ARGFX: variants seen among roughly 807,000 people sequenced by gnomAD.
ARGFX encodes the protein arginine-fifty homeobox.
Under a neutral mutation model 8.0 loss-of-function variants are expected in ARGFX, and 10 were observed. The ratio of observed to expected loss-of-function variants is 1.25; its 90% CI spans 0.77 to 2.12. The LOEUF is 2.12. ARGFX is among the 30% of genes most tolerant of loss of function. The pLI, the probability that ARGFX is intolerant of heterozygous loss-of-function variation, is 0.00. For missense variants in ARGFX, 282 were observed against 324.3 expected (o/e 0.87, Z 1.00); for synonymous variants, 116 against 117.8 (o/e 0.98, Z 0.10).
At chr3:121,580,607 T>TA (rs752440443) in intron 3 of ARGFX, among the ~76,000 whole-genome samples, 37,408 of 95,626 alleles carry the variant, frequency 0.39, 5,863 homozygotes, top group Non-Finnish European at 0.4. Flanking sequence ...TATATATATA[T>TA]TTTTTTTTTT....
At chr3:121,571,146 G>C (rs1330854427) in intron 2 of ARGFX, among the ~76,000 whole-genome samples, 1 of 152,110 alleles carries the variant, frequency 6.6e-6, no homozygotes. Flanking sequence ...AATATGGAAG[G>C]AAAATGAAAA....
At chr3:121,572,943 A>G (rs1328281621) in intron 2 of ARGFX, among the ~76,000 whole-genome samples, 1 of 152,228 alleles carries the variant, frequency 6.6e-6, no homozygotes, top group Non-Finnish European at 1.5e-5. Context: ...CTGAATATCC[A>G]CATGTGAAAG....
intron 2 of ARGFX, 41 bp from the exon 3 acceptor site, chr3:121,576,737 TTCTTTC>T: frequency 5.4e-6 from 2 of 369,532 alleles, no homozygotes; most frequent in South Asian, 1.9e-5. Flanking sequence ...CTTTCTTTCT[TTCTTTC>T]TTTTTCTCTT....
chr3:121,581,646 A>T (rs980510395), intron 3 of ARGFX, among the ~76,000 whole-genome samples: 3 of 152,158 alleles, frequency 2.0e-5, no homozygotes, highest in African/African-American at 7.2e-5. Flanking sequence ...CATACCTGTA[A>T]TTCTAGCACT....
chr3:121,570,886 T>A, intron 2 of ARGFX, 70 bp downstream of exon 2: 5 of 1,080,574 alleles, frequency 4.6e-6, no homozygotes, highest in Non-Finnish European at 5.1e-6. Flanking sequence ...TACAATTGCA[T>A]TTTGCATTTG....
intron 3 of ARGFX, among the ~76,000 whole-genome samples, chr3:121,579,018 A>T (rs143440867): frequency 2.8e-3 from 425 of 152,278 alleles, no homozygotes; most frequent in Non-Finnish European, 5.0e-3. Flanking sequence ...ACTGTTGAAC[A>T]TATATCAAGA....
intron 3 of ARGFX, among the ~76,000 whole-genome samples, chr3:121,581,231 A>C (rs1051526889): frequency 6.6e-5 from 10 of 152,216 alleles, no homozygotes; most frequent in African/African-American, 2.2e-4. Context: ...CTGGGATTAC[A>C]GGTGTGAGCC....
intron 3 of ARGFX, among the ~76,000 whole-genome samples, chr3:121,577,795 T>TTG (rs1360167363): frequency 6.6e-6 from 1 of 152,092 alleles, no homozygotes; most frequent in East Asian, 1.9e-4. Context: ...GTATTCATTT[T>TTG]TGTGTGTGTG....
intron 2 of ARGFX, among the ~76,000 whole-genome samples, chr3:121,572,182 T>A (rs2048712791): frequency 6.6e-6 from 1 of 151,526 alleles, no homozygotes; most frequent in Admixed American, 6.6e-5. Flanking sequence ...GTCCTGGGAT[T>A]ACAGGCATGA....
chr3:121,581,092 C>T (rs1371184239), intron 3 of ARGFX, among the ~76,000 whole-genome samples: 5 of 152,012 alleles, frequency 3.3e-5, no homozygotes, highest in African/African-American at 1.2e-4. Flanking sequence ...TCTCGTGCCT[C>T]AAGTAGCTGG....
intron 1 of ARGFX, among the ~76,000 whole-genome samples, chr3:121,569,764 T>C (rs2048696724): frequency 6.6e-6 from 1 of 152,230 alleles, no homozygotes; most frequent in Non-Finnish European, 1.5e-5. Flanking sequence ...CTTTTACCCA[T>C]GCAGGATTTT....
chr3:121,576,738 T>TCTTA (rs1491296191), intron 2 of ARGFX, 46 bp from the exon 3 acceptor site: 4 of 365,096 alleles, frequency 1.1e-5, no homozygotes, highest in African/African-American at 9.1e-5. Flanking sequence ...TTTCTTTCTT[T>TCTTA]CTTTCTTTTT....
chr3:121,575,897 G>A lies in ARGFX; in HGVS notation c.104-887G>A, dbSNP rs141410703. On this transcript the variant is annotated intron_variant, in intron 2 of 4. Coordinates refer to ENST00000334384, the MANE Select transcript of ARGFX (RefSeq NM_001012659.2). The stretch of plus-strand genomic sequence containing the variant: ...CATTGCACTCTAGCCTGGGTGTTCC[G>A]GTGAGACTCTGTCTCAAACATTAAA... Among the ~76,000 whole-genome samples, 805 of 147,546 alleles carry A rather than the reference G, an allele frequency of 5.5e-3. 6 individuals are homozygous for A. The highest frequency in any genetic ancestry group is 0.024 in the Middle Eastern group (7 of 290).
chr3:121,568,091 G>A (rs1217894815), intron 1 of ARGFX, among the ~76,000 whole-genome samples, 78 bp downstream of exon 1: 2 of 152,042 alleles, frequency 1.3e-5, no homozygotes, highest in Non-Finnish European at 2.9e-5. Context: ...AATCAAAGGA[G>A]CAATATTAAA....
At position 121,577,257 on chromosome 3, in the gene ARGFX, A is replaced by AT. The variant is rs1451662475; in HGVS notation, c.220+358dup. Among the ~76,000 whole-genome samples the AT allele has an allele frequency of 1.6e-3, 91 of 56,394 alleles. 1 individual carries two copies. Among genetic ancestry groups the AT allele is most frequent in the East Asian group, 5.1e-3 (8 of 1,558 alleles). 37.0% of individuals were successfully genotyped at this position (56,394 alleles called of 152,430 possible). On this transcript the variant is annotated intron_variant, in intron 3 of 4. Transcript: ENST00000334384. ...TATATATATATATATATATATATAT[A>AT]TATTTTTTTTTTTTTAAATGGAGTC...
chr3:121,584,204 G>GAGGAAGGAAGGA (rs749567796), intron 3 of ARGFX, among the ~76,000 whole-genome samples: 1,560 of 104,182 alleles, frequency 0.015, 32 homozygotes, highest in East Asian at 0.045. Context: ...GACAGAGAGA[G>GAGGAAGGAAGGA]AGGAAGGAAG....
At chr3:121,584,231 G>C (rs2048797570) in intron 3 of ARGFX, among the ~76,000 whole-genome samples, 2 of 148,600 alleles carry the variant, frequency 1.3e-5, no homozygotes, top group Non-Finnish European at 3.0e-5. Flanking sequence ...AGGAAGGAAG[G>C]AAGGAAGGAA....
chr3:121,575,646 C>T (rs1576441472), intron 2 of ARGFX, among the ~76,000 whole-genome samples: 1 of 151,662 alleles, frequency 6.6e-6, no homozygotes, highest in Non-Finnish European at 1.5e-5. Context: ...GGGCACAGTG[C>T]CTCATGCCTG....
chr3:121,587,769 C>T lies in ARGFX; in HGVS notation c.*1169C>T, dbSNP rs1283433945. 3.3e-5 allele frequency among the ~76,000 whole-genome samples: 5 copies of T among 152,230 alleles called. No individual in the cohort carries two copies. The East Asian group carries it at 7.7e-4, about 24-fold the overall frequency. On this transcript the variant is annotated 3_prime_UTR_variant, in exon 5 of 5. Transcript: ENST00000334384. ...TGCCTCCTGGGCTCAAACAGTCCTC[C>T]CACCTCAGCCTTCTGAGTAGCTGAG... is the stretch of plus-strand genomic sequence containing the variant.
Sources: allele counts gnomAD v4.1 joint callset (sites outside exome capture counted in the v4.1 genomes callset), GRCh38; gene constraint gnomAD v4.1.1; transcripts MANE v1.5; gene names NCBI Gene and HGNC (gene_info 2026-07-23, HGNC 2026-07-21).